AIG1: variants seen among roughly 807,000 people sequenced by gnomAD.
AIG1 encodes androgen induced 1.
A neutral mutation model predicts 31.4 loss-of-function variants in AIG1; 23 were observed. The observed-to-expected ratio is 0.73, with a 90% CI of 0.53 to 1.04. AIG1 has a LOEUF of 1.04. AIG1 is among the 50% of genes least tolerant of loss of function. The pLI is 0.00. For missense variants in AIG1, 274 were observed against 295.0 expected (o/e 0.93, Z 0.52); for synonymous variants, 100 against 110.5 (o/e 0.90, Z 0.60).
chr6:143,225,428 G>C (rs1054222305), intron 3 of AIG1, among the ~76,000 whole-genome samples: 18 of 152,146 alleles, frequency 1.2e-4, no homozygotes, highest in African/African-American at 4.8e-5. Flanking sequence ...CTGACTGAAA[G>C]TCATTTTTGC....
chr6:143,084,468 G>A (rs1361636514), intron 1 of AIG1, among the ~76,000 whole-genome samples: 1 of 152,120 alleles, frequency 6.6e-6, no homozygotes, highest in Non-Finnish European at 1.5e-5. Flanking sequence ...TGACTAAAGC[G>A]GTGGCCTTTT....
intron 3 of AIG1, among the ~76,000 whole-genome samples, chr6:143,244,531 T>A (rs1794474253): frequency 6.6e-6 from 1 of 152,212 alleles, no homozygotes; most frequent in Non-Finnish European, 1.5e-5. Context: ...ACGTACTAAA[T>A]GGATCACATG....
At chr6:143,220,504 C>G (rs1459081765) in intron 3 of AIG1, among the ~76,000 whole-genome samples, 1 of 151,998 alleles carries the variant, frequency 6.6e-6, no homozygotes. Flanking sequence ...ATGCAGAAAC[C>G]GAGACTCAGA....
intron 4 of AIG1, among the ~76,000 whole-genome samples, chr6:143,295,809 C>A (rs1583775182): frequency 6.6e-6 from 1 of 152,292 alleles, no homozygotes; most frequent in East Asian, 1.9e-4. Context: ...TCTCCAAAGT[C>A]TGCCCCCAAA....
intron 1 of AIG1, among the ~76,000 whole-genome samples, chr6:143,131,942 G>A (rs952070600): frequency 3.0e-4 from 46 of 152,136 alleles, no homozygotes; most frequent in African/African-American, 1.1e-3. Context: ...TCTTTTGATG[G>A]TTGCTCTGTG....
At chr6:143,139,650 C>G (rs1784087388) in intron 2 of AIG1, among the ~76,000 whole-genome samples, 1 of 152,034 alleles carries the variant, frequency 6.6e-6, no homozygotes, top group Non-Finnish European at 1.5e-5. Flanking sequence ...ATGTTCCTTT[C>G]AAAGAAAGTG....
intron 2 of AIG1, among the ~76,000 whole-genome samples, chr6:143,142,080 G>A (rs1178812112): frequency 1.3e-5 from 2 of 151,948 alleles, no homozygotes; most frequent in Non-Finnish European, 2.9e-5. Flanking sequence ...TAAACTTTCT[G>A]TCTTTGTTTT....
intron 5 of AIG1, among the ~76,000 whole-genome samples, chr6:143,336,699 C>A (rs939523710): frequency 3.9e-5 from 6 of 152,130 alleles, no homozygotes; most frequent in African/African-American, 1.4e-4. Flanking sequence ...TCCCAACAAC[C>A]CCAAACGTCT....
rs879442494 is a variant in AIG1 at position 143,211,892 on chromosome 6, C to CA, written c.399+46724dup. On this transcript the variant is annotated intron_variant, in intron 3 of 5. Transcript: ENST00000357847. ...TGGGCAACAGAGCGAGACCCTGTCT[C>CA]AAAAAAAAAAAAAAATTCCAACGTA... 2.6e-3 allele frequency among the ~76,000 whole-genome samples: 340 copies of CA among 131,118 alleles called. 1 individual carries two copies. Among genetic ancestry groups the CA allele is most frequent in the East Asian group, 0.011 (50 of 4,558 alleles). 86.0% of individuals were successfully genotyped at this position (131,118 alleles called of 152,430 possible). A position where few individuals can be genotyped will look rare whatever the true frequency, so the allele number is the denominator to read the frequency against.
At chr6:143,107,395 A>G (rs1019064791) in intron 1 of AIG1, among the ~76,000 whole-genome samples, 1 of 152,242 alleles carries the variant, frequency 6.6e-6, no homozygotes, top group South Asian at 2.1e-4. Flanking sequence ...TCTCCAAAAC[A>G]TATTACCATA....
At position 143,137,000 on chromosome 6, in the gene AIG1, A is replaced by T; in HGVS notation, c.297+10A>T. On this transcript the variant is annotated intron_variant, in intron 2 of 5. Coordinates refer to ENST00000357847, the MANE Select transcript of AIG1 (RefSeq NM_016108.4). ...CTTTCCTGTTGGGGTTGTGAGTATGATGGAGGATGCATTTAGCCACAAAAG... is the reference window on the plus strand; with the variant it reads ...CTTTCCTGTTGGGGTTGTGAGTATGTTGGAGGATGCATTTAGCCACAAAAG... The T allele has an allele frequency of 1.7e-5, 23 of 1,387,316 alleles. No homozygotes were observed. The highest frequency in any genetic ancestry group is 2.2e-5 in the Non-Finnish European group (23 of 1,055,170). The allele number at this position is 1,387,316 out of a possible 1,614,324, so 85.9% of individuals were successfully genotyped here.
chr6:143,060,706 G>C (rs1373916170), upstream of AIG1: 1 of 437,436 alleles, frequency 2.3e-6, no homozygotes, highest in Non-Finnish European at 4.7e-6. Flanking sequence ...CGGCAGTGGA[G>C]AGCGTCCGCA....
chr6:143,301,377 C>G (rs996670150), intron 4 of AIG1, among the ~76,000 whole-genome samples: 1 of 152,218 alleles, frequency 6.6e-6, no homozygotes, highest in African/African-American at 2.4e-5. Context: ...TGGTAGCAGT[C>G]TTTCTTTTGT....
intron 1 of AIG1, among the ~76,000 whole-genome samples, chr6:143,087,846 T>C (rs1265010289): frequency 6.6e-6 from 1 of 152,198 alleles, no homozygotes; most frequent in Admixed American, 6.5e-5. Context: ...TGGGATAGAA[T>C]AGATAGAAAA....
At chr6:143,229,182 A>G (rs1793241743) in intron 3 of AIG1, among the ~76,000 whole-genome samples, 1 of 152,272 alleles carries the variant, frequency 6.6e-6, no homozygotes, top group Non-Finnish European at 1.5e-5. Flanking sequence ...AACAAAGCAC[A>G]TGAAACAATT....
intron 1 of AIG1, among the ~76,000 whole-genome samples, chr6:143,063,651 A>G (rs1428909459): frequency 6.6e-6 from 1 of 152,234 alleles, no homozygotes; most frequent in Non-Finnish European, 1.5e-5. Flanking sequence ...TACAATATTA[A>G]TGAGTCTAAG....
intron 3 of AIG1, among the ~76,000 whole-genome samples, chr6:143,240,707 A>G (rs1794175777): frequency 6.6e-6 from 1 of 152,254 alleles, no homozygotes; most frequent in African/African-American, 2.4e-5. Flanking sequence ...TGTACCAAAT[A>G]TAATAAAAAA....
chr6:143,321,680 A>C (rs1776227061), intron 4 of AIG1, among the ~76,000 whole-genome samples: 1 of 152,178 alleles, frequency 6.6e-6, no homozygotes, highest in Non-Finnish European at 1.5e-5. Flanking sequence ...CAGGGCATGA[A>C]GAGGAAACTA....
At chr6:143,189,087 G>A (rs1789546740) in intron 3 of AIG1, 3 of 868,046 alleles carry the variant, frequency 3.5e-6, no homozygotes, top group Non-Finnish European at 4.1e-6. Context: ...TGTCATCCAG[G>A]CTGGAATACA....
Sources: gnomAD v4.1 joint callset for allele counts (sites outside exome capture counted in the v4.1 genomes callset) on GRCh38, gnomAD v4.1.1 for gene constraint, MANE v1.5 for transcripts, NCBI Gene and HGNC (gene_info 2026-07-23, HGNC 2026-07-21) for gene names.